FER: variants seen among roughly 807,000 people sequenced by gnomAD.
FER encodes the protein tyrosine-protein kinase Fer.
A neutral mutation model predicts 111.0 loss-of-function variants in FER; 63 were observed. That is an observed-to-expected ratio of 0.57 (90% confidence interval 0.46 to 0.70). FER has a LOEUF of 0.70. Among genes scored for constraint, FER ranks in the 30% least tolerant of loss-of-function variants. The pLI is 0.00. For synonymous variants in FER, 327 were observed against 313.9 expected (o/e 1.04, Z -0.44); for missense variants, 914 against 954.0 (o/e 0.96, Z 0.55).
At chr5:109,143,552 C>G (rs1753745237) in intron 17 of FER, among the ~76,000 whole-genome samples, 1 of 151,998 alleles carries the variant, frequency 6.6e-6, no homozygotes, top group Non-Finnish European at 1.5e-5. Flanking sequence ...CCTCAGAGGC[C>G]TTATCCGTGA....
At chr5:108,801,111 T>C (rs1756599028) in intron 3 of FER, among the ~76,000 whole-genome samples, 1 of 152,236 alleles carries the variant, frequency 6.6e-6, no homozygotes, top group Non-Finnish European at 1.5e-5. Flanking sequence ...TCTGGAAATT[T>C]TTATAGTTTT....
chr5:108,995,898 C>G (rs936663122), intron 13 of FER, among the ~76,000 whole-genome samples: 21 of 151,498 alleles, frequency 1.4e-4, no homozygotes, highest in African/African-American at 4.4e-4. Flanking sequence ...GTAAAATGTT[C>G]CTATTTTTCC....
chr5:108,751,217 A>G (rs1468186367), intron 1 of FER, among the ~76,000 whole-genome samples: 3 of 152,084 alleles, frequency 2.0e-5, no homozygotes, highest in Non-Finnish European at 4.4e-5. Context: ...CAAACAAACA[A>G]AAAAACCACA....
chr5:108,924,322 T>C (rs1753435215), intron 10 of FER, among the ~76,000 whole-genome samples: 1 of 143,936 alleles, frequency 6.9e-6, no homozygotes, highest in African/African-American at 2.7e-5. Flanking sequence ...AGCATGCCAT[T>C]GCACTCCAGC....
At chr5:109,058,750 T>TG (rs1773986823) in intron 16 of FER, among the ~76,000 whole-genome samples, 1 of 137,544 alleles carries the variant, frequency 7.3e-6, no homozygotes, top group East Asian at 2.1e-4. Context: ...TTTTTTTTTT[T>TG]GAGACGGAGT....
chr5:109,025,631 G>T (rs1473772908), intron 13 of FER, among the ~76,000 whole-genome samples: 1 of 150,598 alleles, frequency 6.6e-6, no homozygotes, highest in Non-Finnish European at 1.5e-5. Context: ...CTGCCTAATT[G>T]CCCTGGCCAG....
At chr5:109,177,436 A>G (rs1292307974) in intron 17 of FER, 1 of 152,082 alleles carries the variant, frequency 6.6e-6, no homozygotes, top group Non-Finnish European at 1.5e-5. Flanking sequence ...AAAAAAAGCA[A>G]AAATTTCTCT....
chr5:109,081,843 T>C (rs1777019408), intron 16 of FER, among the ~76,000 whole-genome samples: 3 of 152,024 alleles, frequency 2.0e-5, no homozygotes, highest in African/African-American at 2.4e-5. Context: ...AAGCAATATT[T>C]ATTAATTTAT....
intron 13 of FER, among the ~76,000 whole-genome samples, chr5:108,959,655 C>T (rs1355375164): frequency 6.6e-6 from 1 of 151,754 alleles, no homozygotes; most frequent in African/African-American, 2.4e-5. Flanking sequence ...TTGAAAGGTT[C>T]AGGTTATAAC....
chr5:109,186,447 G>A (rs1758875565), intron 19 of FER, 125 bp downstream of exon 19: 1 of 1,384,480 alleles, frequency 7.2e-7, no homozygotes, highest in African/African-American at 1.4e-5. Context: ...ACCATCTCTG[G>A]GGTTCAGAAG....
At chr5:108,806,031 C>G (rs1757169773) in intron 3 of FER, among the ~76,000 whole-genome samples, 1 of 152,150 alleles carries the variant, frequency 6.6e-6, no homozygotes, top group Non-Finnish European at 1.5e-5. Flanking sequence ...GGCCTGGAGG[C>G]CTAGGAGGAA....
intron 16 of FER, among the ~76,000 whole-genome samples, chr5:109,072,691 A>G (rs76067550): frequency 0.025 from 3,744 of 152,102 alleles, 166 homozygotes; most frequent in African/African-American, 0.086. Flanking sequence ...GAAGATGAGC[A>G]TGGTATACTC....
At chr5:108,782,744 C>G (rs1435406410) in intron 2 of FER, 1 of 152,088 alleles carries the variant, frequency 6.6e-6, no homozygotes, top group African/African-American at 2.4e-5. Context: ...TCTCAGAGTG[C>G]TGGGATTACA....
intron 2 of FER, among the ~76,000 whole-genome samples, chr5:108,770,539 A>G (rs1230273477): frequency 6.6e-6 from 1 of 152,126 alleles, no homozygotes; most frequent in East Asian, 1.9e-4. Context: ...CAGTTGCACA[A>G]TCACAGCTCA....
intron 13 of FER, among the ~76,000 whole-genome samples, chr5:109,015,892 G>A (rs560976121): frequency 6.6e-6 from 1 of 152,022 alleles, no homozygotes; most frequent in African/African-American, 2.4e-5. Flanking sequence ...TCCGAAGAAT[G>A]TCTTTAATGT....
chr5:108,835,191 C>CA (rs1445849136), intron 4 of FER, among the ~76,000 whole-genome samples: 2 of 119,276 alleles, frequency 1.7e-5, no homozygotes, highest in Non-Finnish European at 1.8e-5. Flanking sequence ...GCCACCCCCC[C>CA]CCCCCCACTT....
At chr5:108,865,669 T>A (rs1763970539) in intron 5 of FER, among the ~76,000 whole-genome samples, 2 of 151,700 alleles carry the variant, frequency 1.3e-5, no homozygotes, top group Non-Finnish European at 1.5e-5. Flanking sequence ...TGGGAGAAAA[T>A]TTTTGCAATC....
chr5:108,952,171 CT>C (rs1176002749), intron 11 of FER, among the ~76,000 whole-genome samples: 1 of 152,066 alleles, frequency 6.6e-6, no homozygotes, highest in Non-Finnish European at 1.5e-5. Flanking sequence ...ACCCCCATAT[CT>C]TTGGCAAAAA....
chr5:108,811,993 A>C (rs774022463), intron 3 of FER, among the ~76,000 whole-genome samples: 10 of 152,202 alleles, frequency 6.6e-5, no homozygotes, highest in Non-Finnish European at 1.3e-4. Flanking sequence ...CCTCAAAGAC[A>C]CACAGAGATG....
Sources: allele counts gnomAD v4.1 joint callset (sites outside exome capture counted in the v4.1 genomes callset), GRCh38; gene constraint gnomAD v4.1.1; transcripts MANE v1.5; gene names NCBI Gene and HGNC (gene_info 2026-07-23, HGNC 2026-07-21).